Variants in SORCS2 observed in about 807,000 individuals in gnomAD.
SORCS2 encodes the protein VPS10 domain-containing receptor SorCS2.
A neutral mutation model predicts 141.6 loss-of-function variants in SORCS2; 100 were observed. The observed-to-expected ratio is 0.71, with a 90% CI of 0.60 to 0.83. The LOEUF is 0.83. Among genes scored for constraint, SORCS2 ranks in the 40% least tolerant of loss-of-function variants. SORCS2 has a pLI of 0.00. For synonymous variants in SORCS2, 789 were observed against 676.9 expected, an observed-to-expected ratio of 1.17 and a Z score of -2.57; for missense variants, 1,646 against 1,560.2, an observed-to-expected ratio of 1.05 and a Z score of -0.93.
At chr4:7,496,045 C>T (rs1731595889) in intron 2 of SORCS2, among the ~76,000 whole-genome samples, 1 of 152,236 alleles carries the variant, frequency 6.6e-6, no homozygotes, top group Non-Finnish European at 1.5e-5. Context: ...GCCAGGCTAG[C>T]TGTCAGTTCC....
At position 7,733,373 on chromosome 4, in the gene SORCS2, C is replaced by A; in HGVS notation, c.3160C>A (p.Leu1054Met). The part of the protein sequence containing the change: ...VLNAQKISFL[L>M]RGGVRVLVAL... ...GAACGCACAGAAGATCAGCTTCCTC[C>A]TGCGAGGCGGAGTCCGGGTCCTGGT... The change falls in exon 24 of 27, where the codon CTG becomes ATG. Residue 1054 changes from leucine (L) to methionine (M), a missense_variant. Leu to Met is a conservative substitution (Grantham distance 15, BLOSUM62 2). Coordinates refer to ENST00000507866, the MANE Select transcript of SORCS2 (RefSeq NM_020777.3). The A allele has an allele frequency of 6.3e-7, 1 of 1,588,406 alleles. No homozygotes were observed. The highest frequency in any genetic ancestry group is 8.6e-7 in the Non-Finnish European group (1 of 1,168,154).
At chr4:7,216,772 C>G (rs1426521888) in intron 1 of SORCS2, among the ~76,000 whole-genome samples, 1 of 152,168 alleles carries the variant, frequency 6.6e-6, no homozygotes, top group African/African-American at 2.4e-5. Context: ...TGCAACGTTT[C>G]TACAAGGGAA....
chr4:7,433,376 C>T, intron 2 of SORCS2: 2 of 1,472,008 alleles, frequency 1.4e-6, no homozygotes, highest in South Asian at 1.5e-5. Flanking sequence ...CAGTGTTGCA[C>T]AGCGTTGCAC....
chr4:7,722,455 G>A (rs1019305563), intron 18 of SORCS2, among the ~76,000 whole-genome samples: 6 of 152,080 alleles, frequency 3.9e-5, no homozygotes, highest in Admixed American at 3.9e-4. Flanking sequence ...TCTCATGCCG[G>A]GTGGCCTGAA....
intron 9 of SORCS2, among the ~76,000 whole-genome samples, chr4:7,680,608 C>T (rs28757654): frequency 0.06 from 9,116 of 152,312 alleles, 407 homozygotes; most frequent in African/African-American, 0.11. Context: ...CCCTCTAGAC[C>T]ACAGCATCCT....
chr4:7,725,341 T>C (rs1727142511), intron 20 of SORCS2, 54 bp downstream of exon 20: 1 of 1,577,290 alleles, frequency 6.3e-7, no homozygotes, highest in Non-Finnish European at 8.6e-7. Flanking sequence ...CCCCACAAGC[T>C]GCACAGTGGG....
chr4:7,206,407 G>A (rs1382145508), intron 1 of SORCS2, among the ~76,000 whole-genome samples: 1 of 152,212 alleles, frequency 6.6e-6, no homozygotes, highest in African/African-American at 2.4e-5. Flanking sequence ...TTTCCTGCTG[G>A]GGAATCTGGG....
chr4:7,726,348 G>A (rs1727219386), intron 20 of SORCS2, among the ~76,000 whole-genome samples: 1 of 152,204 alleles, frequency 6.6e-6, no homozygotes, highest in South Asian at 2.1e-4. Flanking sequence ...CTTACAACCA[G>A]GTGCCCATGA....
At position 7,396,335 on chromosome 4, in the gene SORCS2, T is replaced by A; in HGVS notation, c.528T>A (p.Val176=). ...TKYYHADMGK[V]LESSLWRSSD... ...ACTACCACGCAGACATGGGGAAGGT[T>A]CTGGAAAGTTCTCTGTGGCGGTAAG... The change falls in exon 2 of 27, where the codon GTT becomes GTA. Residue 176 remains valine (V), a synonymous_variant. Coordinates refer to ENST00000507866, the MANE Select transcript of SORCS2 (RefSeq NM_020777.3). The A allele has an allele frequency of 6.2e-7, 1 of 1,613,980 alleles. No homozygotes were observed. Among genetic ancestry groups the A allele is most frequent in the Non-Finnish European group, 8.5e-7 (1 of 1,179,870 alleles).
intron 3 of SORCS2, among the ~76,000 whole-genome samples, chr4:7,559,191 C>T (rs1050730246): frequency 6.6e-6 from 1 of 152,174 alleles, no homozygotes; most frequent in Non-Finnish European, 1.5e-5. Context: ...CAGCTACGTG[C>T]CCCCCTCCAA....
intron 3 of SORCS2, among the ~76,000 whole-genome samples, chr4:7,584,039 T>C (rs999405477): frequency 3.9e-5 from 6 of 152,236 alleles, no homozygotes; most frequent in African/African-American, 1.2e-4. Context: ...AAGACTGAGA[T>C]GATGCATGTG....
At chr4:7,514,652 G>A (rs916675710) in intron 2 of SORCS2, among the ~76,000 whole-genome samples, 18 of 152,084 alleles carry the variant, frequency 1.2e-4, no homozygotes, top group Admixed American at 5.9e-4. Context: ...TGGAGGTCAC[G>A]TTTCCTGGGG....
chr4:7,274,436 G>C (rs1317424753), intron 1 of SORCS2, among the ~76,000 whole-genome samples: 7 of 152,176 alleles, frequency 4.6e-5, no homozygotes, highest in Non-Finnish European at 1.0e-4. Flanking sequence ...ATGATGCCGG[G>C]CATCTGCTTG....
intron 1 of SORCS2, among the ~76,000 whole-genome samples, chr4:7,394,618 C>T (rs564159077): frequency 6.6e-6 from 1 of 151,858 alleles, no homozygotes; most frequent in African/African-American, 2.4e-5. Flanking sequence ...TGGGGACTCT[C>T]CCCTCGAGGG....
intron 3 of SORCS2, among the ~76,000 whole-genome samples, chr4:7,558,423 G>T (rs1714290372): frequency 1.3e-5 from 2 of 152,128 alleles, no homozygotes; most frequent in South Asian, 4.1e-4. Context: ...ACCTACTGGG[G>T]TGGAAAACTA....
At chr4:7,330,696 T>C (rs1322238433) in intron 1 of SORCS2, among the ~76,000 whole-genome samples, 1 of 152,064 alleles carries the variant, frequency 6.6e-6, no homozygotes, top group Non-Finnish European at 1.5e-5. Flanking sequence ...CATGCTCACC[T>C]TGGAACTTCG....
chr4:7,411,136 A>G (rs1259677669), intron 2 of SORCS2, among the ~76,000 whole-genome samples: 1 of 151,512 alleles, frequency 6.6e-6, no homozygotes. Context: ...TTGTATTTTT[A>G]GTAGAGACAG....
intron 3 of SORCS2, among the ~76,000 whole-genome samples, chr4:7,553,216 G>A (rs1713849363): frequency 6.6e-6 from 1 of 152,078 alleles, no homozygotes; most frequent in Non-Finnish European, 1.5e-5. Context: ...AGATGTGTGG[G>A]TGGTGGGGTG....
At chr4:7,412,846 C>A (rs1440596210) in intron 2 of SORCS2, among the ~76,000 whole-genome samples, 6 of 152,082 alleles carry the variant, frequency 3.9e-5, no homozygotes, top group Admixed American at 6.5e-5. Context: ...CACCCCTGGG[C>A]TCTCCCAGGG....
Sources: gnomAD v4.1 joint callset for allele counts (sites outside exome capture counted in the v4.1 genomes callset) on GRCh38, gnomAD v4.1.1 for gene constraint, MANE v1.5 for transcripts, NCBI Gene and HGNC (gene_info 2026-07-23, HGNC 2026-07-21) for gene names.